The following IL17RD variants were observed in gnomAD, a reference collection of about 807,000 sequenced individuals.
The protein encoded by IL17RD is interleukin-17 receptor D.
In IL17RD, 52 loss-of-function variants were observed where a neutral mutation model predicts 80.5. That is an observed-to-expected ratio of 0.65 (90% CI 0.52 to 0.81). The LOEUF (loss-of-function observed/expected upper bound fraction) is 0.81, where lower values mean the gene tolerates loss of function less well. IL17RD is among the 40% of genes least tolerant of loss of function. The pLI, the probability that IL17RD is intolerant of heterozygous loss-of-function variation, is 0.00. For missense variants in IL17RD, 1,024 were observed against 955.1 expected, an observed-to-expected ratio of 1.07 and a Z score of -0.95; for synonymous variants, 416 against 391.8, an observed-to-expected ratio of 1.06 and a Z score of -0.73.
chr3:57,169,997 G>A (rs1422037404), upstream of IL17RD, among the ~76,000 whole-genome samples: 1 of 152,186 alleles, frequency 6.6e-6, no homozygotes, highest in Non-Finnish European at 1.5e-5. Context: ...ACCGGACCCC[G>A]ATCGCCTGGC....
At chr3:57,107,379 GA>G (rs759476261) in intron 5 of IL17RD, among the ~76,000 whole-genome samples, 149 of 72,334 alleles carry the variant, frequency 2.1e-3, no homozygotes, top group East Asian at 6.4e-3. Flanking sequence ...ACTCCATCTC[GA>G]AAAAAAAAAA....
chr3:57,109,366 C>T (rs1287146602), intron 5 of IL17RD, among the ~76,000 whole-genome samples, 171 bp downstream of exon 5: 1 of 151,956 alleles, frequency 6.6e-6, no homozygotes, highest in Non-Finnish European at 1.5e-5. Flanking sequence ...AGGCTGGTCT[C>T]GAACTCCTGA....
At chr3:57,130,508 G>A (rs1382905712) in intron 1 of IL17RD, among the ~76,000 whole-genome samples, 5 of 152,204 alleles carry the variant, frequency 3.3e-5, no homozygotes, top group African/African-American at 1.2e-4. Context: ...GCTAAAGCCA[G>A]AGTGACCCTT....
At chr3:57,144,468 C>A (rs1707888214) in intron 1 of IL17RD, among the ~76,000 whole-genome samples, 1 of 152,338 alleles carries the variant, frequency 6.6e-6, no homozygotes, top group East Asian at 1.9e-4. Flanking sequence ...AAGCTATAAC[C>A]TTATCTTCTT....
chr3:57,132,199 G>A (rs958979229), intron 1 of IL17RD, among the ~76,000 whole-genome samples: 8 of 151,022 alleles, frequency 5.3e-5, no homozygotes, highest in Non-Finnish European at 7.4e-5. Flanking sequence ...AGGGGCGGGC[G>A]CAGCGGCTCA....
chr3:57,142,633 C>G, intron 1 of IL17RD: 1 of 422,298 alleles, frequency 2.4e-6, no homozygotes, highest in South Asian at 2.1e-5. Flanking sequence ...ACTTCCAGAA[C>G]GTCCTCATTG....
At chr3:57,116,578 C>G (rs1353572763) in intron 2 of IL17RD, among the ~76,000 whole-genome samples, 1 of 152,066 alleles carries the variant, frequency 6.6e-6, no homozygotes, top group Non-Finnish European at 1.5e-5. Flanking sequence ...AGCCACCATG[C>G]CTGGCCCATA....
chr3:57,159,989 T>G (rs1422927070), intron 1 of IL17RD, among the ~76,000 whole-genome samples: 2 of 152,142 alleles, frequency 1.3e-5, no homozygotes. Flanking sequence ...CTGGCCAACA[T>G]GGTGAAACCC....
At chr3:57,156,277 C>G (rs966500085) in intron 1 of IL17RD, among the ~76,000 whole-genome samples, 1 of 151,656 alleles carries the variant, frequency 6.6e-6, no homozygotes, top group South Asian at 2.1e-4. Context: ...CTATTTGTCT[C>G]CCCTACTAAA....
intron 3 of IL17RD, among the ~76,000 whole-genome samples, chr3:57,111,846 C>T (rs1338460973): frequency 6.6e-6 from 1 of 151,504 alleles, no homozygotes; most frequent in African/African-American, 2.4e-5. Context: ...CCTGTAGTCC[C>T]AGCTACTCGG....
intron 1 of IL17RD, among the ~76,000 whole-genome samples, chr3:57,140,484 A>G (rs1217225278): frequency 6.6e-6 from 1 of 152,224 alleles, no homozygotes; most frequent in Non-Finnish European, 1.5e-5. Flanking sequence ...CAGGCAAACC[A>G]TTTTTGTTAA....
At chr3:57,124,605 C>A (rs1397833452) in intron 1 of IL17RD, among the ~76,000 whole-genome samples, 2 of 152,136 alleles carry the variant, frequency 1.3e-5, no homozygotes, top group Admixed American at 1.3e-4. Context: ...CCCCTACAGC[C>A]TCCAGAAGGA....
At chr3:57,096,682 C>T (rs1303026277) in intron 12 of IL17RD, among the ~76,000 whole-genome samples, 177 bp from the exon 13 acceptor site, 1 of 152,112 alleles carries the variant, frequency 6.6e-6, no homozygotes, top group Non-Finnish European at 1.5e-5. Flanking sequence ...GTTCTAGTTC[C>T]CTTAGTTGAG....
At chr3:57,142,318 AAC>A (rs1209440643) in intron 1 of IL17RD, 2 of 336,378 alleles carry the variant, frequency 5.9e-6, no homozygotes, top group African/African-American at 4.4e-5. Context: ...GTTTTACAAA[AAC>A]AGTGTCCAGA....
chr3:57,131,840 C>T (rs1284109365), intron 1 of IL17RD, among the ~76,000 whole-genome samples: 1 of 152,222 alleles, frequency 6.6e-6, no homozygotes, highest in Non-Finnish European at 1.5e-5. Flanking sequence ...AGCTTGATAG[C>T]TTAAAGCTAC....
At chr3:57,146,019 ACACACACACTCACGCGCGCGCGCGCG>A (rs943244506) in intron 1 of IL17RD, among the ~76,000 whole-genome samples, 2 of 143,274 alleles carry the variant, frequency 1.4e-5, no homozygotes, top group South Asian at 2.2e-4. Context: ...GCGTGCGCGC[ACACACACACTCACGCGCGCGCGCGCG>A]CACACACACA....
intron 11 of IL17RD, among the ~76,000 whole-genome samples, 164 bp from the exon 12 acceptor site, chr3:57,098,702 G>A (rs1005382324): frequency 2.0e-5 from 3 of 152,232 alleles, no homozygotes; most frequent in African/African-American, 7.2e-5. Flanking sequence ...CCAAGGAACA[G>A]CTAAAGTTCC....
At chr3:57,122,398 G>T (rs1411017374) in intron 1 of IL17RD, among the ~76,000 whole-genome samples, 26 of 152,212 alleles carry the variant, frequency 1.7e-4, no homozygotes, top group Admixed American at 1.6e-3. Context: ...CCCTGGACTG[G>T]TCCTGGTCCA....
Position 57,130,572 on chromosome 3 carries a change from G to C in IL17RD, c.127-10259C>G, listed in dbSNP as rs999603336. Reference sequence around the variant, plus strand: ...GTCTGGCCTTTCCCAGAAGCTTTCTGGGGGAGAGGGAAGTAGTCAGCCCAG... The same window carrying C: ...GTCTGGCCTTTCCCAGAAGCTTTCTCGGGGAGAGGGAAGTAGTCAGCCCAG... On this transcript the variant is annotated intron_variant, in intron 1 of 12. Coordinates refer to ENST00000296318, the MANE Select transcript of IL17RD (RefSeq NM_017563.5). 3.9e-5 allele frequency among the ~76,000 whole-genome samples: 6 copies of C among 152,126 alleles called. No individual in the cohort carries two copies. The South Asian group carries it at 6.2e-4, about 16-fold the overall frequency.
Sources: allele counts gnomAD v4.1 joint callset (sites outside exome capture counted in the v4.1 genomes callset), GRCh38; gene constraint gnomAD v4.1.1; transcripts MANE v1.5; gene names NCBI Gene and HGNC (gene_info 2026-07-23, HGNC 2026-07-21).